Variants in CDH12 observed in about 807,000 individuals in gnomAD.
CDH12 encodes cadherin 12.
A neutral mutation model predicts 74.1 loss-of-function variants in CDH12; 41 were observed. The ratio of observed to expected loss-of-function variants is 0.55; its 90% CI spans 0.43 to 0.72. The LOEUF is 0.72. Among genes scored for constraint, CDH12 ranks in the 30% least tolerant of loss-of-function variants. The pLI is 0.00. For missense variants in CDH12, 945 were observed against 977.2 expected (o/e 0.97, Z 0.44); for synonymous variants, 399 against 355.0 (o/e 1.12, Z -1.39).
intron 1 of CDH12, among the ~76,000 whole-genome samples, chr5:22,631,584 C>T (rs115712415): frequency 0.078 from 11,840 of 152,128 alleles, 642 homozygotes; most frequent in Non-Finnish European, 0.12. Context: ...ACCTAAACAT[C>T]GAGTATCCAT....
intron 1 of CDH12, among the ~76,000 whole-genome samples, chr5:22,580,059 G>A (rs763253991): frequency 9.2e-5 from 14 of 152,010 alleles, no homozygotes; most frequent in Non-Finnish European, 1.6e-4. Flanking sequence ...TTTAGCCAAC[G>A]ATGCTCTGCA....
intron 11 of CDH12, among the ~76,000 whole-genome samples, chr5:21,768,172 C>T (rs896429948): frequency 1.5e-4 from 23 of 151,626 alleles, no homozygotes; most frequent in African/African-American, 5.6e-4. Flanking sequence ...GTTAAGTTCC[C>T]AATAGTGAAA....
intron 6 of CDH12, among the ~76,000 whole-genome samples, chr5:21,969,314 G>A (rs537195989): frequency 6.6e-6 from 1 of 152,134 alleles, no homozygotes; most frequent in African/African-American, 2.4e-5. Flanking sequence ...GAATCATTGA[G>A]AGCCAGAGTA....
intron 3 of CDH12, among the ~76,000 whole-genome samples, chr5:22,340,552 A>T (rs75178007): frequency 0.025 from 3,831 of 151,848 alleles, 101 homozygotes; most frequent in East Asian, 0.11. Context: ...TCTGTTTTTC[A>T]AACTCTAGTG....
intron 6 of CDH12, among the ~76,000 whole-genome samples, chr5:21,903,423 C>T (rs1753489821): frequency 6.6e-6 from 1 of 152,130 alleles, no homozygotes. Context: ...TCTCAGTCTA[C>T]TCAGCTAGGG....
chr5:22,697,396 C>T (rs1742427821), intron 1 of CDH12, among the ~76,000 whole-genome samples: 1 of 151,946 alleles, frequency 6.6e-6, no homozygotes, highest in East Asian at 2.0e-4. Flanking sequence ...ACGGTGGAAC[C>T]CCGTCTCTAC....
At chr5:22,062,353 T>A (rs2150207347) in intron 5 of CDH12, among the ~76,000 whole-genome samples, 1 of 152,258 alleles carries the variant, frequency 6.6e-6, no homozygotes, top group East Asian at 1.9e-4. Context: ...TTGCTCAAAT[T>A]CAATTTTTAA....
At chr5:22,015,816 T>C (rs1156544044) in intron 5 of CDH12, among the ~76,000 whole-genome samples, 2 of 152,184 alleles carry the variant, frequency 1.3e-5, no homozygotes, top group African/African-American at 4.8e-5. Context: ...TAAAATATCA[T>C]ATTGAATGTT....
At chr5:22,354,641 A>G (rs1339854875) in intron 3 of CDH12, among the ~76,000 whole-genome samples, 1 of 152,146 alleles carries the variant, frequency 6.6e-6, no homozygotes, top group African/African-American at 2.4e-5. Context: ...GAGTCAAGTA[A>G]TATTTTTCCA....
intron 5 of CDH12, among the ~76,000 whole-genome samples, chr5:21,987,088 TTC>T (rs1580071379): frequency 6.6e-6 from 1 of 152,280 alleles, no homozygotes; most frequent in African/African-American, 2.4e-5. Flanking sequence ...CCTAATTTCT[TTC>T]TGTTAGTCTT....
intron 4 of CDH12, among the ~76,000 whole-genome samples, chr5:22,136,176 T>C (rs1278270232): frequency 2.6e-5 from 4 of 151,860 alleles, no homozygotes; most frequent in South Asian, 4.2e-4. Flanking sequence ...GAAATTAAGA[T>C]GGTAGGTGTG....
chr5:22,684,927 G>T (rs1164054395), intron 1 of CDH12, among the ~76,000 whole-genome samples: 1 of 152,120 alleles, frequency 6.6e-6, no homozygotes, highest in African/African-American at 2.4e-5. Flanking sequence ...CATGAGTTTT[G>T]TTGTTGTTGT....
intron 6 of CDH12, among the ~76,000 whole-genome samples, chr5:21,932,366 C>T (rs1354708557): frequency 6.6e-6 from 1 of 152,116 alleles, no homozygotes; most frequent in African/African-American, 2.4e-5. Context: ...ATTGGAACAT[C>T]CTTTGATGTG....
chr5:21,840,540 A>T (rs892616484), intron 8 of CDH12, among the ~76,000 whole-genome samples: 1 of 152,064 alleles, frequency 6.6e-6, no homozygotes, highest in Non-Finnish European at 1.5e-5. Flanking sequence ...AAGAGCCCGC[A>T]TCGCCAAGCC....
chr5:22,700,183 A>G (rs367874897), intron 1 of CDH12, among the ~76,000 whole-genome samples: 1 of 152,168 alleles, frequency 6.6e-6, no homozygotes, highest in East Asian at 1.9e-4. Context: ...AAAAATATTA[A>G]CCTGGATAGT....
chr5:22,159,921 G>A (rs7445787), intron 4 of CDH12, among the ~76,000 whole-genome samples: 55,064 of 151,894 alleles, frequency 0.36, 11,195 homozygotes, highest in Admixed American at 0.48. Context: ...GTGTGCGTGT[G>A]TGCGTGCATG....
chr5:21,876,810 T>C (rs542718875), intron 6 of CDH12, among the ~76,000 whole-genome samples: 2 of 152,368 alleles, frequency 1.3e-5, no homozygotes, highest in South Asian at 4.1e-4. Flanking sequence ...CTCTTCCCTG[T>C]CTACTTTATG....
At chr5:22,788,712 CA>C (rs1747766873) in intron 1 of CDH12, among the ~76,000 whole-genome samples, 1 of 148,076 alleles carries the variant, frequency 6.8e-6, no homozygotes, top group Non-Finnish European at 1.5e-5. Context: ...AATTATATAT[CA>C]TTTTATATAT....
At chr5:22,062,840 G>A (rs1741283815) in intron 5 of CDH12, among the ~76,000 whole-genome samples, 1 of 152,108 alleles carries the variant, frequency 6.6e-6, no homozygotes, top group African/African-American at 2.4e-5. Flanking sequence ...CTTCTATGAA[G>A]ACTGAGTTGG....
Sources: allele counts gnomAD v4.1 joint callset (sites outside exome capture counted in the v4.1 genomes callset), GRCh38; gene constraint gnomAD v4.1.1; transcripts MANE v1.5; gene names NCBI Gene and HGNC (gene_info 2026-07-23, HGNC 2026-07-21).